GRK5: variants seen among roughly 807,000 people sequenced by gnomAD.
GRK5 encodes g protein-coupled receptor kinase GRK5.
A neutral mutation model predicts 78.4 loss-of-function variants in GRK5; 40 were observed. The observed-to-expected ratio is 0.51, with a 90% confidence interval of 0.40 to 0.66. The LOEUF is 0.66. Among genes scored for constraint, GRK5 ranks in the 30% least tolerant of loss-of-function variants. The probability of loss-of-function intolerance (pLI) is 0.00; values close to 1 mark genes in which losing one functional copy is unlikely to be tolerated. For synonymous variants in GRK5, 289 were observed against 296.8 expected (o/e 0.97, Z 0.27); for missense variants, 598 against 759.9 (o/e 0.79, Z 2.50).
intron 4 of GRK5, among the ~76,000 whole-genome samples, chr10:119,416,400 C>A (rs1852453453): frequency 3.3e-5 from 5 of 152,328 alleles, no homozygotes; most frequent in East Asian, 3.9e-4. Context: ...AGCATTCCTG[C>A]CAGCCGTTCC....
intron 4 of GRK5, among the ~76,000 whole-genome samples, chr10:119,397,566 G>A (rs1046196204): frequency 6.6e-6 from 1 of 152,180 alleles, no homozygotes; most frequent in East Asian, 1.9e-4. Context: ...CCCATCCCCC[G>A]GGGCCAGTGG....
chr10:119,367,357 C>T (rs1174732461), intron 2 of GRK5, among the ~76,000 whole-genome samples: 1 of 152,208 alleles, frequency 6.6e-6, no homozygotes, highest in East Asian at 1.9e-4. Context: ...TCTCTTCCTC[C>T]TTCAGGACAC....
At chr10:119,289,073 A>G (rs1318208269) in intron 1 of GRK5, among the ~76,000 whole-genome samples, 1 of 152,200 alleles carries the variant, frequency 6.6e-6, no homozygotes, top group Non-Finnish European at 1.5e-5. Context: ...TTTTAACTTC[A>G]TGAGAAAATA....
chr10:119,317,785 C>T (rs147097571), intron 1 of GRK5, among the ~76,000 whole-genome samples: 1,524 of 152,224 alleles, frequency 0.01, 24 homozygotes, highest in African/African-American at 0.035. Context: ...TTTTAGAAGA[C>T]GTAGACAGGG....
chr10:119,387,640 T>A (rs967295833), intron 3 of GRK5, among the ~76,000 whole-genome samples: 1 of 152,040 alleles, frequency 6.6e-6, no homozygotes. Flanking sequence ...GGGCAAAGAG[T>A]CTGTGGCATC....
intron 1 of GRK5, among the ~76,000 whole-genome samples, chr10:119,268,715 A>G (rs183884421): frequency 1.4e-4 from 22 of 152,304 alleles, no homozygotes; most frequent in Admixed American, 6.5e-4. Flanking sequence ...CACTGTCCCC[A>G]ATGTCATCAC....
intron 1 of GRK5, among the ~76,000 whole-genome samples, chr10:119,254,792 C>T (rs1251404437): frequency 1.3e-5 from 2 of 152,074 alleles, no homozygotes; most frequent in African/African-American, 2.4e-5. Context: ...CGGTGGCTCA[C>T]GCCTGTAATC....
At chr10:119,418,908 G>A (rs879360025) in intron 4 of GRK5, among the ~76,000 whole-genome samples, 5 of 151,996 alleles carry the variant, frequency 3.3e-5, no homozygotes, top group Non-Finnish European at 5.9e-5. Flanking sequence ...AGGCCCTCAC[G>A]CTTGGATTTC....
intron 1 of GRK5, among the ~76,000 whole-genome samples, chr10:119,210,026 G>GT (rs922949513): frequency 2.0e-5 from 3 of 152,128 alleles, no homozygotes; most frequent in Non-Finnish European, 2.9e-5. Flanking sequence ...AACAAATTGG[G>GT]TTTTTTTCCC....
At chr10:119,357,189 G>GC (rs1851276072) in intron 2 of GRK5, among the ~76,000 whole-genome samples, 2 of 152,252 alleles carry the variant, frequency 1.3e-5, no homozygotes, top group Admixed American at 6.5e-5. Context: ...TAATGACAGA[G>GC]CAGGGCTGGG....
At chr10:119,317,522 G>A (rs933754758) in intron 1 of GRK5, among the ~76,000 whole-genome samples, 7 of 152,168 alleles carry the variant, frequency 4.6e-5, no homozygotes, top group African/African-American at 1.7e-4. Context: ...CAGCTGAGCA[G>A]TGCTCTCCCT....
At chr10:119,441,371 G>A (rs1564936504) in intron 10 of GRK5, among the ~76,000 whole-genome samples, 2 of 152,190 alleles carry the variant, frequency 1.3e-5, no homozygotes, top group South Asian at 4.1e-4. Context: ...GGTAAGTTGT[G>A]GCCGCGACCC....
At chr10:119,422,165 G>C (rs1221736152) in intron 4 of GRK5, among the ~76,000 whole-genome samples, 1 of 152,004 alleles carries the variant, frequency 6.6e-6, no homozygotes, top group East Asian at 1.9e-4. Context: ...TCAGCCCCTG[G>C]GAACAGCTGG....
chr10:119,436,705 A>G lies in GRK5; in HGVS notation c.793A>G (p.Ile265Val). Reference protein sequence around the residue: ...TKDALCLVLTIMNGGDLKFHI... With the variant: ...TKDALCLVLTVMNGGDLKFHI... ...GGATGCACTGTGCTTGGTCCTGACC[A>G]TCATGAATGGGGGTGACCTGAAGTT... Residue 265 changes from isoleucine to valine, a missense_variant, in exon 9 of 16, where the codon ATC becomes GTC. Ile to Val is a conservative substitution (Grantham distance 29). Transcript: ENST00000392870. The G allele has an allele frequency of 6.2e-7, 1 of 1,614,218 alleles. No individual in the cohort carries two copies. Among genetic ancestry groups the G allele is most frequent in the South Asian group, 1.1e-5 (1 of 91,088 alleles).
At chr10:119,291,033 T>C (rs1018416595) in intron 1 of GRK5, among the ~76,000 whole-genome samples, 1 of 152,128 alleles carries the variant, frequency 6.6e-6, no homozygotes, top group African/African-American at 2.4e-5. Flanking sequence ...GTGGTGGCTT[T>C]GCAGAGGGGC....
At chr10:119,307,856 A>G (rs181146570) in intron 1 of GRK5, among the ~76,000 whole-genome samples, 1 of 152,182 alleles carries the variant, frequency 6.6e-6, no homozygotes, top group Admixed American at 6.5e-5. Flanking sequence ...CTCCTTGGCC[A>G]TTTCACAATT....
intron 10 of GRK5, among the ~76,000 whole-genome samples, chr10:119,441,423 C>T (rs1853033009): frequency 6.6e-6 from 1 of 152,214 alleles, no homozygotes; most frequent in Non-Finnish European, 1.5e-5. Context: ...CAAAGTGGAG[C>T]CTCAGCTCAG....
intron 3 of GRK5, among the ~76,000 whole-genome samples, chr10:119,389,080 G>C (rs1326017377): frequency 6.6e-6 from 1 of 152,234 alleles, no homozygotes; most frequent in East Asian, 1.9e-4. Flanking sequence ...TAGAGCATGA[G>C]TAATGAGGCA....
chr10:119,381,114 TG>T (rs1359773169), intron 3 of GRK5, among the ~76,000 whole-genome samples, 187 bp downstream of exon 3: 1 of 152,190 alleles, frequency 6.6e-6, no homozygotes, highest in African/African-American at 2.4e-5. Flanking sequence ...TGGGTGACCT[TG>T]GGTGACCTTG....
Sources: gnomAD v4.1 joint callset for allele counts (sites outside exome capture counted in the v4.1 genomes callset) on GRCh38, gnomAD v4.1.1 for gene constraint, MANE v1.5 for transcripts, NCBI Gene and HGNC (gene_info 2026-07-23, HGNC 2026-07-21) for gene names.